AK5: variants seen among roughly 807,000 people sequenced by gnomAD.
AK5 encodes adenylate kinase isoenzyme 5.
Under a neutral mutation model 69.5 loss-of-function variants are expected in AK5, and 27 were observed. The ratio of observed to expected loss-of-function variants is 0.39; its 90% CI spans 0.29 to 0.54. The LOEUF is 0.54. Ranked by LOEUF, AK5 falls within the 20% of genes least tolerant of loss-of-function variation. The probability of loss-of-function intolerance (pLI) is 0.71; values close to 1 mark genes in which losing one functional copy is unlikely to be tolerated. For missense variants in AK5, 531 were observed against 700.4 expected, an observed-to-expected ratio of 0.76 and a Z score of 2.73; for synonymous variants, 260 against 244.4, an observed-to-expected ratio of 1.06 and a Z score of -0.60.
At chr1:77,431,381 C>T (rs982882172) in intron 8 of AK5, among the ~76,000 whole-genome samples, 6 of 152,008 alleles carry the variant, frequency 3.9e-5, no homozygotes, top group African/African-American at 7.3e-5. Context: ...CTCTTATAGG[C>T]GCTATACTGA....
chr1:77,477,926 A>G (rs1326158948), intron 8 of AK5, among the ~76,000 whole-genome samples: 1 of 152,184 alleles, frequency 6.6e-6, no homozygotes, highest in Admixed American at 6.5e-5. Flanking sequence ...TCTCAGGAGA[A>G]CTTTAATTTT....
intron 6 of AK5, among the ~76,000 whole-genome samples, chr1:77,397,883 C>T (rs775426459): frequency 5.3e-5 from 8 of 152,184 alleles, no homozygotes; most frequent in African/African-American, 1.2e-4. Context: ...GTCTAGGCAA[C>T]GGAACAAGAC....
At chr1:77,498,457 G>T (rs1656491201) in intron 10 of AK5, among the ~76,000 whole-genome samples, 1 of 152,162 alleles carries the variant, frequency 6.6e-6, no homozygotes, top group Admixed American at 6.5e-5. Flanking sequence ...TAAAGAGGGA[G>T]GCATTACAGG....
At chr1:77,368,291 ATGTT>A (rs1464938524) in intron 6 of AK5, among the ~76,000 whole-genome samples, 2 of 117,490 alleles carry the variant, frequency 1.7e-5, no homozygotes, top group Non-Finnish European at 3.4e-5. Context: ...TGTTATATAT[ATGTT>A]ATATATAATA....
intron 10 of AK5, among the ~76,000 whole-genome samples, chr1:77,512,335 T>C (rs1031461754): frequency 6.6e-6 from 1 of 152,196 alleles, no homozygotes; most frequent in Non-Finnish European, 1.5e-5. Flanking sequence ...AATTAATGGC[T>C]AGTTCCCAAA....
At chr1:77,460,351 A>G (rs1049644778) in intron 8 of AK5, among the ~76,000 whole-genome samples, 2 of 152,258 alleles carry the variant, frequency 1.3e-5, no homozygotes, top group African/African-American at 4.8e-5. Context: ...CAAAGAAGGA[A>G]TGGATATTTG....
rs145065964 is a variant in AK5, at chr1:77,524,695, C to G, written c.1428+2752C>G. Among the ~76,000 whole-genome samples, 1,176 of 152,236 alleles carry G rather than the reference C, an allele frequency of 7.7e-3. 11 individuals carry two copies. Among genetic ancestry groups the G allele is most frequent in the African/African-American group, 0.027 (1,116 of 41,534 alleles). ...TATTTTCTTTCATTTGATAGGCTGT[C>G]TTTTCACTCTTTTGGTTGTGTCCTT... On this transcript the variant is annotated intron_variant, in intron 12 of 13. Coordinates refer to ENST00000354567, the MANE Select transcript of AK5 (RefSeq NM_174858.3).
chr1:77,511,899 A>G (rs1417715144), intron 10 of AK5, among the ~76,000 whole-genome samples: 1 of 152,222 alleles, frequency 6.6e-6, no homozygotes, highest in East Asian at 1.9e-4. Flanking sequence ...TAACGACAGC[A>G]AGGAACAAGT....
intron 6 of AK5, among the ~76,000 whole-genome samples, chr1:77,367,549 T>C (rs1646974369): frequency 1.4e-4 from 1 of 7,008 alleles, no homozygotes; most frequent in South Asian, 0.033. Context: ...GACTCATTTA[T>C]GTTATTTTTA....
intron 8 of AK5, among the ~76,000 whole-genome samples, chr1:77,475,187 ATATATATATGTG>A (rs1300646480): frequency 0.14 from 1,138 of 8,018 alleles, 9 homozygotes; most frequent in Admixed American, 0.19. Flanking sequence ...ATATATATAT[ATATATATATGTG>A]TGTGTGTGTG....
intron 13 of AK5, among the ~76,000 whole-genome samples, chr1:77,557,689 A>C (rs189307075): frequency 6.6e-6 from 1 of 152,056 alleles, no homozygotes; most frequent in African/African-American, 2.4e-5. Flanking sequence ...CCTATTCCCA[A>C]ATGCTGCAGA....
chr1:77,288,826 T>C (rs1334147225), intron 2 of AK5, among the ~76,000 whole-genome samples: 1 of 152,196 alleles, frequency 6.6e-6, no homozygotes, highest in Admixed American at 6.5e-5. Context: ...TTCTGAGTCT[T>C]AGAGAGCAAT....
intron 12 of AK5, among the ~76,000 whole-genome samples, chr1:77,529,605 G>C (rs1412747438): frequency 1.3e-5 from 2 of 152,160 alleles, no homozygotes; most frequent in Non-Finnish European, 2.9e-5. Flanking sequence ...CTATAGGCGT[G>C]AGCCATTTTA....
At chr1:77,541,461 C>T (rs2100372208) in intron 13 of AK5, among the ~76,000 whole-genome samples, 1 of 152,300 alleles carries the variant, frequency 6.6e-6, no homozygotes, top group East Asian at 1.9e-4. Context: ...TAGGTAGTCC[C>T]ACCACTCAGA....
At chr1:77,485,065 T>C (rs1655500250) in intron 9 of AK5, among the ~76,000 whole-genome samples, 2 of 152,194 alleles carry the variant, frequency 1.3e-5, no homozygotes, top group African/African-American at 4.8e-5. Context: ...ACTCACAGGC[T>C]AGAGAACCTG....
At chr1:77,448,548 G>A (rs1652900100) in intron 8 of AK5, among the ~76,000 whole-genome samples, 1 of 152,226 alleles carries the variant, frequency 6.6e-6, no homozygotes, top group South Asian at 2.1e-4. Flanking sequence ...TCTCCTGAGA[G>A]TGGTATTGTT....
intron 10 of AK5, 37 bp from the exon 11 acceptor site, chr1:77,518,527 C>G: frequency 6.2e-7 from 1 of 1,605,998 alleles, no homozygotes; most frequent in Non-Finnish European, 8.5e-7. Context: ...AGGCACCAGA[C>G]TTGGAATGCA....
intron 6 of AK5, among the ~76,000 whole-genome samples, chr1:77,393,759 C>T (rs1036413248): frequency 6.6e-6 from 1 of 152,178 alleles, no homozygotes; most frequent in African/African-American, 2.4e-5. Flanking sequence ...TCAGTAACTC[C>T]TCCAGAGTCA....
chr1:77,531,088 T>C (rs1658548029), intron 12 of AK5, among the ~76,000 whole-genome samples: 2 of 152,214 alleles, frequency 1.3e-5, no homozygotes, highest in East Asian at 1.9e-4. Context: ...GCGGTGAGTG[T>C]TACCATTCTT....
Sources: allele counts gnomAD v4.1 joint callset (sites outside exome capture counted in the v4.1 genomes callset), GRCh38; gene constraint gnomAD v4.1.1; transcripts MANE v1.5; gene names NCBI Gene and HGNC (gene_info 2026-07-23, HGNC 2026-07-21).